The following MBD5 variants were observed in gnomAD, a reference collection of about 807,000 sequenced individuals.
The protein encoded by MBD5 is methyl-CpG-binding domain protein 5.
MBD5 carries 13 observed loss-of-function variants against 117.3 expected under a neutral mutation model. The ratio of observed to expected loss-of-function variants is 0.11; its 90% CI spans 0.07 to 0.18. The LOEUF (loss-of-function observed/expected upper bound fraction) is 0.18, where lower values mean the gene tolerates loss of function less well. Among genes scored for constraint, MBD5 ranks in the 10% least tolerant of loss-of-function variants. The pLI is 1.00. For missense variants in MBD5, 1,879 were observed against 2,093.8 expected (o/e 0.90, Z 2.00); for synonymous variants, 727 against 766.4 (o/e 0.95, Z 0.85).
At chr2:148,118,637 A>C (rs1342946729) in intron 1 of MBD5, among the ~76,000 whole-genome samples, 2 of 151,764 alleles carry the variant, frequency 1.3e-5, no homozygotes, top group African/African-American at 4.8e-5. Flanking sequence ...GGCTTGTATT[A>C]CCCGTCACAA....
At chr2:148,077,108 TATA>T (rs1458696792) in intron 1 of MBD5, among the ~76,000 whole-genome samples, 1 of 152,246 alleles carries the variant, frequency 6.6e-6, no homozygotes, top group African/African-American at 2.4e-5. Context: ...ACATCTGTTC[TATA>T]ATAACTGTAC....
At chr2:148,229,937 G>C (rs1056895419) in intron 2 of MBD5, among the ~76,000 whole-genome samples, 1 of 152,108 alleles carries the variant, frequency 6.6e-6, no homozygotes, top group Non-Finnish European at 1.5e-5. Context: ...TCTGGAGCTG[G>C]GAATATTGTG....
intron 2 of MBD5, among the ~76,000 whole-genome samples, chr2:148,228,614 C>G (rs1468241499): frequency 2.6e-5 from 4 of 152,200 alleles, no homozygotes; most frequent in Non-Finnish European, 4.4e-5. Flanking sequence ...CAGGATGATG[C>G]TGGCCTCATA....
At chr2:148,299,573 C>G (rs1701735927) in intron 3 of MBD5, among the ~76,000 whole-genome samples, 1 of 152,100 alleles carries the variant, frequency 6.6e-6, no homozygotes, top group Non-Finnish European at 1.5e-5. Context: ...AAGGACCGAC[C>G]TTCTGGATCT....
intron 3 of MBD5, among the ~76,000 whole-genome samples, chr2:148,321,775 A>T (rs1702288009): frequency 6.6e-6 from 1 of 151,754 alleles, no homozygotes; most frequent in Non-Finnish European, 1.5e-5. Flanking sequence ...TTTTTAAGAG[A>T]TGAAGTCTCA....
chr2:148,436,005 A>T (rs1191344805), intron 4 of MBD5, among the ~76,000 whole-genome samples: 2 of 152,230 alleles, frequency 1.3e-5, no homozygotes, highest in Non-Finnish European at 1.5e-5. Flanking sequence ...AATTCAGTGA[A>T]AAGTTATTCT....
At chr2:148,224,509 ATTTTTT>A (rs34659671) in intron 2 of MBD5, among the ~76,000 whole-genome samples, 1 of 58,180 alleles carries the variant, frequency 1.7e-5, no homozygotes, top group African/African-American at 8.0e-5. Flanking sequence ...CGCCTGGCTA[ATTTTTT>A]TTTTTTTTTT....
intron 4 of MBD5, among the ~76,000 whole-genome samples, chr2:148,450,508 T>A (rs1706695418): frequency 6.6e-6 from 1 of 152,196 alleles, no homozygotes; most frequent in African/African-American, 2.4e-5. Flanking sequence ...TGGCTATATT[T>A]ACTTACAAGT....
At position 148,512,896 on chromosome 2, in the gene MBD5, A is replaced by G. The variant is rs761595598; in HGVS notation, c.5139A>G (p.Arg1713=). 1.9e-6 allele frequency: 3 copies of G among 1,613,974 alleles called. No individual in the cohort carries two copies. Among genetic ancestry groups the G allele is most frequent in the Non-Finnish European group, 2.5e-6 (3 of 1,179,880 alleles). The stretch of plus-strand genomic sequence containing the variant: ...TACACCAAATCCCACAGGGTGACAG[A>G]CAAATGAGACCCCCCAAACCCAAGA... ...GTVHQIPQGD[R]QMRPPKPKRR... is the part of the protein sequence containing the mutation. The change falls in exon 14 of 14, where the codon AGA becomes AGG. Residue 1713 remains arginine (R), a synonymous_variant. Transcript: ENST00000642680.
At chr2:148,145,662 G>A (rs547073835) in intron 1 of MBD5, among the ~76,000 whole-genome samples, 1 of 152,118 alleles carries the variant, frequency 6.6e-6, no homozygotes, top group Non-Finnish European at 1.5e-5. Context: ...GCATGAAGGG[G>A]TGTTGAATTT....
At chr2:148,022,765 C>G (rs998819095) in intron 1 of MBD5, among the ~76,000 whole-genome samples, 1 of 152,090 alleles carries the variant, frequency 6.6e-6, no homozygotes, top group Non-Finnish European at 1.5e-5. Context: ...TCAAAGAAAT[C>G]ATGAACTTAT....
chr2:148,077,499 T>C (rs967021413), intron 1 of MBD5, among the ~76,000 whole-genome samples: 2 of 152,202 alleles, frequency 1.3e-5, no homozygotes, highest in Non-Finnish European at 2.9e-5. Context: ...TGGAAGTACA[T>C]AGAAGTAGAT....
chr2:148,177,385 T>C (rs1698417002), intron 1 of MBD5, among the ~76,000 whole-genome samples: 1 of 152,220 alleles, frequency 6.6e-6, no homozygotes, highest in African/African-American at 2.4e-5. Context: ...GATTTTAAAG[T>C]GCTACTTTGG....
intron 1 of MBD5, among the ~76,000 whole-genome samples, chr2:148,023,101 T>G (rs1444317044): frequency 6.6e-6 from 1 of 151,252 alleles, no homozygotes; most frequent in Non-Finnish European, 1.5e-5. Context: ...TTTTTTTTTT[T>G]GTAACTGCAT....
chr2:148,233,805 T>C lies in MBD5; in HGVS notation c.-680+410T>C, dbSNP rs551995815. Among the ~76,000 whole-genome samples the C allele has an allele frequency of 2.3e-4, 35 of 152,334 alleles. No individual in the cohort carries two copies. In the South Asian group the frequency reaches 4.1e-3, roughly 18 times the overall value. ...AGTTAGTCATACTATTTATGAGTTT[T>C]ATATAGTTAAAGGTAGCCCAGCATT... On this transcript the variant is annotated intron_variant, in intron 3 of 13. Coordinates refer to ENST00000642680, the MANE Select transcript of MBD5 (RefSeq NM_001378120.1).
At chr2:148,247,559 A>G (rs1700367730) in intron 3 of MBD5, among the ~76,000 whole-genome samples, 1 of 152,176 alleles carries the variant, frequency 6.6e-6, no homozygotes, top group Non-Finnish European at 1.5e-5. Flanking sequence ...GACATTCTAA[A>G]TTTAAGCTTG....
chr2:148,029,526 C>T (rs114379305), intron 1 of MBD5, among the ~76,000 whole-genome samples: 1 of 152,088 alleles, frequency 6.6e-6, no homozygotes, highest in African/African-American at 2.4e-5. Context: ...TTTAACATAT[C>T]GCTTTTCTAG....
At chr2:148,024,000 C>G (rs1317618737) in intron 1 of MBD5, among the ~76,000 whole-genome samples, 1 of 152,004 alleles carries the variant, frequency 6.6e-6, no homozygotes, top group East Asian at 1.9e-4. Context: ...CTTGAACTTG[C>G]CTGAGGTTCC....
intron 4 of MBD5, among the ~76,000 whole-genome samples, chr2:148,381,561 C>T (rs1369618668): frequency 6.6e-6 from 1 of 152,122 alleles, no homozygotes; most frequent in East Asian, 1.9e-4. Flanking sequence ...AGAACTTCCC[C>T]AATCTAGCAA....
Sources: allele counts gnomAD v4.1 joint callset (sites outside exome capture counted in the v4.1 genomes callset), GRCh38; gene constraint gnomAD v4.1.1; transcripts MANE v1.5; gene names NCBI Gene and HGNC (gene_info 2026-07-23, HGNC 2026-07-21).